The following HMGB1 variants were observed in gnomAD, a reference collection of about 807,000 sequenced individuals.
The protein encoded by HMGB1 is high mobility group box 1.
For missense variants in HMGB1, 79 were observed against 253.5 expected (o/e 0.31, Z 4.67); for synonymous variants, 81 against 84.0 (o/e 0.96, Z 0.19).
intron 1 of HMGB1, among the ~76,000 whole-genome samples, chr13:30,614,532 G>A (rs918515403): frequency 6.6e-6 from 1 of 152,118 alleles, no homozygotes; most frequent in African/African-American, 2.4e-5. Flanking sequence ...ATCAAGTTTA[G>A]ACTATTAAAA....
intron 1 of HMGB1, among the ~76,000 whole-genome samples, chr13:30,577,640 T>A (rs1230151283): frequency 6.6e-6 from 1 of 152,234 alleles, no homozygotes; most frequent in Non-Finnish European, 1.5e-5. Context: ...GATTAAGTCC[T>A]CATTCTGCCA....
chr13:30,462,463 T>A (rs749911025), intron 4 of HMGB1, 75 bp downstream of exon 4: 4 of 1,207,134 alleles, frequency 3.3e-6, no homozygotes, highest in Non-Finnish European at 4.9e-6. Context: ...AAAAACTTAT[T>A]ACACCTCAAA....
At chr13:30,462,442 G>A (rs762859464) in intron 4 of HMGB1, 96 bp downstream of exon 4, 1 of 926,676 alleles carries the variant, frequency 1.1e-6, no homozygotes, top group African/African-American at 1.6e-5. Flanking sequence ...ACTTAATGTA[G>A]CTGTTACCCT....
At chr13:30,542,033 C>G (rs1868916014) in intron 1 of HMGB1, 1 of 153,482 alleles carries the variant, frequency 6.5e-6, no homozygotes, top group Non-Finnish European at 1.5e-5. Flanking sequence ...GTCTCTGCTC[C>G]CTTGTTTGTT....
intron 1 of HMGB1, among the ~76,000 whole-genome samples, chr13:30,571,696 C>A (rs1870444141): frequency 2.0e-5 from 3 of 151,964 alleles, no homozygotes; most frequent in Admixed American, 2.0e-4. Flanking sequence ...AGCAGGTTTA[C>A]AAAAAACATT....
chr13:30,588,218 GT>G (rs1871234113), intron 1 of HMGB1, among the ~76,000 whole-genome samples: 1 of 152,118 alleles, frequency 6.6e-6, no homozygotes, highest in Non-Finnish European at 1.5e-5. Flanking sequence ...ATATTACATA[GT>G]AACACAGAAA....
intron 1 of HMGB1, among the ~76,000 whole-genome samples, chr13:30,578,747 A>G (rs1373761927): frequency 6.6e-6 from 1 of 152,194 alleles, no homozygotes; most frequent in Admixed American, 6.5e-5. Flanking sequence ...ACTTCTCTAT[A>G]TATACCTATA....
chr13:30,518,711 C>CA (rs1888154795), intron 1 of HMGB1, among the ~76,000 whole-genome samples: 1 of 145,058 alleles, frequency 6.9e-6, no homozygotes, highest in South Asian at 2.2e-4. Flanking sequence ...TCATAGAAAC[C>CA]TTTTTTTTTT....
intron 1 of HMGB1, among the ~76,000 whole-genome samples, chr13:30,588,528 A>G (rs773498596): frequency 6.6e-6 from 1 of 152,230 alleles, no homozygotes; most frequent in Non-Finnish European, 1.5e-5. Flanking sequence ...GGGAAACTGC[A>G]TGGTTAAAAG....
At chr13:30,538,720 T>C (rs868004840) in intron 1 of HMGB1, among the ~76,000 whole-genome samples, 3 of 111,108 alleles carry the variant, frequency 2.7e-5, no homozygotes, top group Non-Finnish European at 5.6e-5. Context: ...TCTTTCTTCT[T>C]TTTCTTTCTT....
At chr13:30,471,897 C>T (rs1212539926) in intron 1 of HMGB1, among the ~76,000 whole-genome samples, 2 of 150,762 alleles carry the variant, frequency 1.3e-5, no homozygotes, top group African/African-American at 4.9e-5. Context: ...GAACTCCTGA[C>T]CTCAGGTGAT....
intron 1 of HMGB1, among the ~76,000 whole-genome samples, chr13:30,586,440 A>C (rs1170138796): frequency 6.9e-6 from 1 of 145,740 alleles, no homozygotes; most frequent in Non-Finnish European, 1.5e-5. Context: ...ATTGCTTTAG[A>C]TACTATCTGT....
intron 1 of HMGB1, among the ~76,000 whole-genome samples, chr13:30,584,067 G>A (rs1294498765): frequency 6.6e-6 from 1 of 151,598 alleles, no homozygotes. Context: ...AAAGAAGAGA[G>A]AGAGAGAGAG....
chr13:30,578,773 A>G (rs1197171159), intron 1 of HMGB1, among the ~76,000 whole-genome samples: 1 of 152,010 alleles, frequency 6.6e-6, no homozygotes, highest in Admixed American at 6.6e-5. Flanking sequence ...GCTACACTAA[A>G]CTTCTTTCTT....
intron 1 of HMGB1, chr13:30,542,243 T>C: frequency 5.3e-6 from 1 of 189,932 alleles, no homozygotes; most frequent in Admixed American, 5.0e-5. Context: ...AGCCTCAGGT[T>C]CTCGAACTGT....
chr13:30,474,854 GTTTTTTTT>G (rs1275635810), intron 1 of HMGB1, among the ~76,000 whole-genome samples: 1 of 67,656 alleles, frequency 1.5e-5, no homozygotes, highest in African/African-American at 5.1e-5. Context: ...CTCTTTTTTT[GTTTTTTTT>G]TTTTTGAGAC....
At chr13:30,547,687 C>CTGGTG (rs1397452952) in intron 1 of HMGB1, among the ~76,000 whole-genome samples, 1 of 151,840 alleles carries the variant, frequency 6.6e-6, no homozygotes, top group African/African-American at 2.4e-5. Context: ...GAGGCCAAGG[C>CTGGTG]TGGTGGATCA....
chr13:30,486,735 C>T (rs2137436550), intron 1 of HMGB1, among the ~76,000 whole-genome samples: 1 of 152,204 alleles, frequency 6.6e-6, no homozygotes, highest in African/African-American at 2.4e-5. Context: ...AACGGGATTC[C>T]TATTTGCCAA....
chr13:30,475,045 CTTTT>C (rs749159763), intron 1 of HMGB1, among the ~76,000 whole-genome samples: 12 of 55,118 alleles, frequency 2.2e-4, no homozygotes, highest in African/African-American at 7.6e-4. Flanking sequence ...CTCTCTCTCT[CTTTT>C]TTTTTTTTTT....
Sources: allele counts gnomAD v4.1 joint callset (sites outside exome capture counted in the v4.1 genomes callset), GRCh38; gene constraint gnomAD v4.1.1; transcripts MANE v1.5; gene names NCBI Gene and HGNC (gene_info 2026-07-23, HGNC 2026-07-21).